Variants in COPG2 observed in about 807,000 individuals in gnomAD.
COPG2 encodes coat protein complex I subunit gamma 2.
COPG2 carries 37 observed loss-of-function variants against 46.3 expected under a neutral mutation model. The observed-to-expected ratio is 0.80, with a 90% confidence interval of 0.61 to 1.05. The LOEUF is 1.05. Ranked by LOEUF, COPG2 falls within the 50% of genes least tolerant of loss-of-function variation. COPG2 has a pLI of 0.00. For synonymous variants in COPG2, 159 were observed against 129.7 expected (o/e 1.23, Z -1.53); for missense variants, 427 against 387.8 (o/e 1.10, Z -0.85).
In COPG2 at chr7:130,564,657, GAA is replaced by G. The variant is rs1793774274; in HGVS notation, c.738-266_738-265del. The G allele has an allele frequency of 2.1e-5, 6 of 292,506 alleles. No individual in the cohort carries two copies. In the South Asian group the frequency reaches 9.8e-4, roughly 48 times the overall value. 18.1% of individuals were successfully genotyped at this position (292,506 alleles called of 1,614,324 possible). ...GTAGCTGAATCTTAGTAAAAATGGT[GAA>G]GTTTCTGGTGTTTTAACCTACTCAT... On this transcript the variant is annotated intron_variant, in intron 9 of 23. Coordinates refer to ENST00000425248, the MANE Select transcript of COPG2 (RefSeq NM_012133.6).
At chr7:130,657,954 T>A (rs1409371279) in intron 4 of COPG2, among the ~76,000 whole-genome samples, 2 of 152,090 alleles carry the variant, frequency 1.3e-5, no homozygotes, top group Non-Finnish European at 2.9e-5. Flanking sequence ...GCGGGAATGA[T>A]TACAAATATT....
chr7:130,590,967 C>A (rs1794394894), intron 9 of COPG2, among the ~76,000 whole-genome samples: 1 of 142,008 alleles, frequency 7.0e-6, no homozygotes. Flanking sequence ...AAGTGAGGAG[C>A]CCCTCCGCCC....
chr7:130,611,253 A>G, intron 8 of COPG2, 143 bp from the exon 9 acceptor site: 1 of 740,832 alleles, frequency 1.3e-6, no homozygotes, highest in Middle Eastern at 3.6e-4. Flanking sequence ...TTCACACTGA[A>G]CTAAACACAG....
chr7:130,520,202 G>A (rs1238988699), intron 20 of COPG2, among the ~76,000 whole-genome samples: 1 of 152,262 alleles, frequency 6.6e-6, no homozygotes, highest in South Asian at 2.1e-4. Flanking sequence ...TGGCAGGGCA[G>A]ATATTCAAAG....
chr7:130,569,104 A>G (rs1793852489), intron 9 of COPG2, among the ~76,000 whole-genome samples: 1 of 152,194 alleles, frequency 6.6e-6, no homozygotes, highest in Non-Finnish European at 1.5e-5. Context: ...AAAAAGTCTG[A>G]AAGAGCATAA....
intron 10 of COPG2, among the ~76,000 whole-genome samples, chr7:130,563,984 TA>T (rs1404389751): frequency 4.6e-5 from 7 of 151,284 alleles, no homozygotes; most frequent in Non-Finnish European, 8.8e-5. Context: ...ACAGAAACTT[TA>T]AAAAAAAGCA....
At chr7:130,531,010 G>A (rs1799819402) in intron 20 of COPG2, among the ~76,000 whole-genome samples, 1 of 144,794 alleles carries the variant, frequency 6.9e-6, no homozygotes, top group East Asian at 2.2e-4. Context: ...TTGCAAAGGT[G>A]TGAATCTTGG....
At chr7:130,663,581 C>G (rs1436718599) in intron 3 of COPG2, among the ~76,000 whole-genome samples, 1 of 152,080 alleles carries the variant, frequency 6.6e-6, no homozygotes, top group Non-Finnish European at 1.5e-5. Context: ...TGCTATGTAG[C>G]TCAATATTGG....
intron 4 of COPG2, among the ~76,000 whole-genome samples, chr7:130,653,968 GA>G (rs145816196): frequency 0.2 from 29,551 of 150,220 alleles, 3,058 homozygotes; most frequent in Middle Eastern, 0.25. Flanking sequence ...CCAATTTAAA[GA>G]AAAAAAAAGT....
At chr7:130,621,671 G>A (rs1401342340) in intron 5 of COPG2, among the ~76,000 whole-genome samples, 4 of 151,918 alleles carry the variant, frequency 2.6e-5, no homozygotes, top group Admixed American at 1.3e-4. Context: ...CTGGCCAGAC[G>A]CGGTGGCTCA....
At chr7:130,563,755 C>CAAAAAAA (rs1239944614) in intron 10 of COPG2, among the ~76,000 whole-genome samples, 105 of 88,912 alleles carry the variant, frequency 1.2e-3, no homozygotes, top group East Asian at 2.2e-3. Flanking sequence ...GACTCCGTCT[C>CAAAAAAA]AAAAAAAAAA....
At chr7:130,554,175 C>T (rs1793579134) in intron 14 of COPG2, among the ~76,000 whole-genome samples, 1 of 151,228 alleles carries the variant, frequency 6.6e-6, no homozygotes, top group Non-Finnish European at 1.5e-5. Context: ...GAGGAAAAGT[C>T]GCTTAAAAAT....
intron 20 of COPG2, among the ~76,000 whole-genome samples, chr7:130,525,025 G>C (rs1799760416): frequency 6.6e-6 from 1 of 152,162 alleles, no homozygotes; most frequent in African/African-American, 2.4e-5. Flanking sequence ...GTCTGGAAGA[G>C]AACAGTGGGA....
At chr7:130,533,993 G>GC (rs1374797287) in intron 20 of COPG2, among the ~76,000 whole-genome samples, 4 of 143,648 alleles carry the variant, frequency 2.8e-5, no homozygotes, top group African/African-American at 7.6e-5. Flanking sequence ...GGGTGGGGGG[G>GC]GTGGAGCAGA....
At chr7:130,636,714 C>T (rs1454647616) in intron 5 of COPG2, among the ~76,000 whole-genome samples, 4 of 152,052 alleles carry the variant, frequency 2.6e-5, no homozygotes, top group African/African-American at 9.7e-5. Flanking sequence ...GGCATTTAGC[C>T]AGTTTACATT....
intron 20 of COPG2, chr7:130,509,136 T>G (rs1799554187): frequency 4.5e-6 from 2 of 444,696 alleles, no homozygotes; most frequent in African/African-American, 2.0e-5. Context: ...TGTGGACTGA[T>G]GGCGGGTCCA....
chr7:130,598,326 G>A (rs1342316463), intron 9 of COPG2, among the ~76,000 whole-genome samples: 2 of 152,196 alleles, frequency 1.3e-5, no homozygotes, highest in Non-Finnish European at 2.9e-5. Context: ...GCTAGAGGTA[G>A]AAAGGGAAGC....
At chr7:130,564,025 C>T (rs1458891032) in intron 10 of COPG2, among the ~76,000 whole-genome samples, 1 of 151,506 alleles carries the variant, frequency 6.6e-6, no homozygotes, top group East Asian at 1.9e-4. Flanking sequence ...AAACTATGTA[C>T]ATATAAATAA....
intron 9 of COPG2, among the ~76,000 whole-genome samples, chr7:130,588,484 A>G (rs1251494246): frequency 6.6e-5 from 10 of 152,252 alleles, no homozygotes; most frequent in Admixed American, 2.0e-4. Flanking sequence ...TGATGAGTTC[A>G]TGTTCTTTGT....
Sources: gnomAD v4.1 joint callset for allele counts (sites outside exome capture counted in the v4.1 genomes callset) on GRCh38, gnomAD v4.1.1 for gene constraint, MANE v1.5 for transcripts, NCBI Gene and HGNC (gene_info 2026-07-23, HGNC 2026-07-21) for gene names.